The following CENPW variants were observed in gnomAD, a reference collection of about 807,000 sequenced individuals.
CENPW encodes the protein centromere protein W, also known as cancer-up-regulated gene 2 protein.
A neutral mutation model predicts 11.1 loss-of-function variants in CENPW; 3 were observed. The observed-to-expected ratio is 0.27, with a 90% CI of 0.12 to 0.70. CENPW has a LOEUF of 0.70. CENPW is among the 30% of genes least tolerant of loss of function. CENPW has a pLI of 0.77. For missense variants in CENPW, 100 were observed against 105.6 expected (o/e 0.95, Z 0.23); for synonymous variants, 38 against 42.0 (o/e 0.91, Z 0.37).
At chr6:126,355,263 TTGAA>T in the CENPW span, among the ~76,000 whole-genome samples, 1 of 152,152 alleles carries the variant, frequency 6.6e-6, no homozygotes. Flanking sequence ...TGAAATAGTT[TTGAA>T]TGTCTTTTTC....
At chr6:126,426,830 A>G in the CENPW span, among the ~76,000 whole-genome samples, 1 of 152,170 alleles carries the variant, frequency 6.6e-6, no homozygotes, top group South Asian at 2.1e-4. Context: ...TGCTAGGATT[A>G]TGCTAGTAAC....
the CENPW span, among the ~76,000 whole-genome samples, chr6:126,380,884 C>A: frequency 6.6e-6 from 1 of 152,130 alleles, no homozygotes; most frequent in Non-Finnish European, 1.5e-5. Flanking sequence ...GACAAAGATT[C>A]TCTGTTGATC....
chr6:126,471,991 A>C, the CENPW span, among the ~76,000 whole-genome samples: 9 of 152,176 alleles, frequency 5.9e-5, no homozygotes, highest in African/African-American at 2.2e-4. Context: ...TTTCAACAAA[A>C]GCTCATTTTA....
the CENPW span, among the ~76,000 whole-genome samples, chr6:126,355,539 ATTTGTTTCACTT>A: frequency 7.7e-6 from 1 of 129,682 alleles, no homozygotes; most frequent in Non-Finnish European, 1.7e-5. Flanking sequence ...GAAGACAGTA[ATTTGTTTCACTT>A]GTAGACATGT....
chr6:126,419,334 A>C, the CENPW span, among the ~76,000 whole-genome samples: 1 of 152,156 alleles, frequency 6.6e-6, no homozygotes. Context: ...TAAAGGTTTG[A>C]TGTCTAGGGA....
chr6:126,368,372 G>C, the CENPW span, among the ~76,000 whole-genome samples: 1 of 152,186 alleles, frequency 6.6e-6, no homozygotes, highest in Non-Finnish European at 1.5e-5. Context: ...CTGTAATTAA[G>C]GGAAGGAGAA....
chr6:126,469,318 C>T, the CENPW span, among the ~76,000 whole-genome samples: 5 of 152,168 alleles, frequency 3.3e-5, no homozygotes, highest in African/African-American at 9.7e-5. Flanking sequence ...CTCCCTCTGT[C>T]TCCTACCGCC....
chr6:126,377,569 T>C, the CENPW span, among the ~76,000 whole-genome samples: 1 of 152,176 alleles, frequency 6.6e-6, no homozygotes, highest in Non-Finnish European at 1.5e-5. Context: ...TTAAATGCCT[T>C]GTTAGATTTT....
chr6:126,475,918 C>T, the CENPW span, among the ~76,000 whole-genome samples: 9 of 151,914 alleles, frequency 5.9e-5, no homozygotes, highest in African/African-American at 1.2e-4. Flanking sequence ...TTGCCACTAA[C>T]GCCCTAATTT....
the CENPW span, among the ~76,000 whole-genome samples, chr6:126,450,381 A>T: frequency 6.6e-6 from 1 of 151,022 alleles, no homozygotes. Flanking sequence ...CTGGTGAGAA[A>T]CACTGAATTA....
chr6:126,405,981 C>T, the CENPW span, among the ~76,000 whole-genome samples: 1 of 152,008 alleles, frequency 6.6e-6, no homozygotes, highest in Non-Finnish European at 1.5e-5. Context: ...TTAGGACTTT[C>T]AGTATTATGT....
intron 1 of CENPW, 121 bp downstream of exon 1, chr6:126,340,520 C>A: frequency 7.1e-7 from 1 of 1,406,630 alleles, no homozygotes; most frequent in Non-Finnish European, 9.9e-7. Context: ...CTGTTTAAGG[C>A]AGTTCCAACA....
At chr6:126,377,458 T>A in the CENPW span, among the ~76,000 whole-genome samples, 1 of 152,184 alleles carries the variant, frequency 6.6e-6, no homozygotes, top group African/African-American at 2.4e-5. Context: ...CTACTTAATT[T>A]TTAAGATGTG....
the CENPW span, among the ~76,000 whole-genome samples, chr6:126,388,577 A>C: frequency 6.6e-6 from 1 of 151,930 alleles, no homozygotes; most frequent in African/African-American, 2.4e-5. Flanking sequence ...GTTTGGGTGG[A>C]GTATTTATAG....
chr6:126,388,914 GC>G, the CENPW span, among the ~76,000 whole-genome samples: 30 of 151,820 alleles, frequency 2.0e-4, no homozygotes, highest in South Asian at 6.2e-4. Context: ...CATAATAGGG[GC>G]TGAAATATCT....
At chr6:126,474,340 A>G in the CENPW span, among the ~76,000 whole-genome samples, 3 of 152,192 alleles carry the variant, frequency 2.0e-5, no homozygotes, top group South Asian at 2.1e-4. Flanking sequence ...AGGATTCAGA[A>G]TAATATAATT....
the CENPW span, among the ~76,000 whole-genome samples, chr6:126,430,108 C>G: frequency 6.6e-6 from 1 of 152,136 alleles, no homozygotes; most frequent in South Asian, 2.1e-4. Flanking sequence ...GAGTTAGTGA[C>G]CTGTGTATGT....
At chr6:126,349,350 G>T (rs369873849), downstream of CENPW, among the ~76,000 whole-genome samples, 1 of 152,174 alleles carries the variant, frequency 6.6e-6, no homozygotes, top group Non-Finnish European at 1.5e-5. Context: ...CCATTTTATG[G>T]TGTAGATTTG....
At chr6:126,436,692 A>C in the CENPW span, among the ~76,000 whole-genome samples, 14 of 151,996 alleles carry the variant, frequency 9.2e-5, no homozygotes, top group African/African-American at 3.4e-4. Flanking sequence ...TTTAAAATCT[A>C]TTTATTTTTA....
Sources: gnomAD v4.1 joint callset for allele counts (sites outside exome capture counted in the v4.1 genomes callset) on GRCh38, gnomAD v4.1.1 for gene constraint, MANE v1.5 for transcripts, NCBI Gene and HGNC (gene_info 2026-07-23, HGNC 2026-07-21) for gene names.